Variants in TNS3 observed in about 807,000 individuals in gnomAD.
The protein encoded by TNS3 is tensin 3.
A neutral mutation model predicts 140.9 loss-of-function variants in TNS3; 45 were observed. The observed-to-expected ratio is 0.32, with a 90% CI of 0.25 to 0.41. TNS3 has a LOEUF of 0.41. Among genes scored for constraint, TNS3 ranks in the 10% least tolerant of loss-of-function variants. The probability of loss-of-function intolerance (pLI) is 1.00; values close to 1 mark genes in which losing one functional copy is unlikely to be tolerated. For missense variants in TNS3, 1,716 were observed against 1,906.7 expected (o/e 0.90, Z 1.86); for synonymous variants, 815 against 788.4 (o/e 1.03, Z -0.56).
intron 26 of TNS3, among the ~76,000 whole-genome samples, 181 bp from the exon 27 acceptor site, chr7:47,292,213 T>C (rs930313642): frequency 5.3e-5 from 8 of 152,188 alleles, no homozygotes; most frequent in Admixed American, 5.2e-4. Context: ...ACATTCTGAA[T>C]AAAAGTAGAG....
intron 17 of TNS3, among the ~76,000 whole-genome samples, chr7:47,349,176 C>T (rs560819574): frequency 9.9e-5 from 15 of 151,896 alleles, no homozygotes; most frequent in African/African-American, 1.4e-4. Context: ...AGAATTACAA[C>T]GAAAAACAAT....
intron 20 of TNS3, among the ~76,000 whole-genome samples, chr7:47,315,286 C>T (rs1211483267): frequency 2.6e-5 from 4 of 152,238 alleles, no homozygotes; most frequent in Non-Finnish European, 4.4e-5. Context: ...TCTGGTATTC[C>T]GCCTAAGCAG....
At chr7:47,286,888 T>A (rs2150576685) in intron 27 of TNS3, among the ~76,000 whole-genome samples, 1 of 152,216 alleles carries the variant, frequency 6.6e-6, no homozygotes, top group Admixed American at 6.5e-5. Context: ...AAAAGAATCG[T>A]ACAGGCAGCA....
chr7:47,547,977 T>C (rs963844155), intron 1 of TNS3, among the ~76,000 whole-genome samples: 1 of 152,242 alleles, frequency 6.6e-6, no homozygotes, highest in African/African-American at 2.4e-5. Flanking sequence ...CTCAGTTCAC[T>C]GCAACCTCTG....
At chr7:47,372,419 T>C (rs1172653619) in intron 16 of TNS3, among the ~76,000 whole-genome samples, 1 of 152,226 alleles carries the variant, frequency 6.6e-6, no homozygotes, top group Non-Finnish European at 1.5e-5. Flanking sequence ...ATTAAAATGC[T>C]GTCAAAAAGT....
intron 7 of TNS3, among the ~76,000 whole-genome samples, chr7:47,436,071 T>C (rs1795165982): frequency 6.6e-6 from 1 of 152,196 alleles, no homozygotes. Context: ...CAAGGAGCTC[T>C]ATCTTATGAT....
intron 27 of TNS3, among the ~76,000 whole-genome samples, chr7:47,290,242 A>C (rs1489557904): frequency 6.6e-6 from 1 of 152,226 alleles, no homozygotes; most frequent in Non-Finnish European, 1.5e-5. Flanking sequence ...TTAACTTAAA[A>C]CGGATCACAG....
chr7:47,365,678 C>T (rs946744099), intron 17 of TNS3, among the ~76,000 whole-genome samples: 1 of 151,448 alleles, frequency 6.6e-6, no homozygotes, highest in Non-Finnish European at 1.5e-5. Flanking sequence ...GAGAATGGTG[C>T]GAACCCGGGA....
chr7:47,439,556 C>T lies in TNS3; in HGVS notation c.81G>A (p.Glu27=), dbSNP rs1795358010. 1.2e-6 allele frequency: 2 copies of T among 1,613,960 alleles called. No individual in the cohort carries two copies. The highest frequency in any genetic ancestry group is 2.2e-5 in the South Asian group (2 of 91,052). The change falls in exon 6 of 31, where the codon GAG becomes GAA. Residue 27 remains glutamate (E), a synonymous_variant. Transcript: ENST00000311160. ...IAVSFPAGCS[E]ESYLHNLQEV... Reference sequence around the variant, plus strand: ...CCTGTAGGTTGTGCAGGTAGGACTCCTCAGAGCAGCCGGCAGGGAAGGACA... The same window carrying T: ...CCTGTAGGTTGTGCAGGTAGGACTCTTCAGAGCAGCCGGCAGGGAAGGACA...
At chr7:47,285,280 C>T (rs575050422) in intron 27 of TNS3, among the ~76,000 whole-genome samples, 1 of 152,280 alleles carries the variant, frequency 6.6e-6, no homozygotes, top group East Asian at 1.9e-4. Flanking sequence ...TTGATGATCA[C>T]TTGGTGATAT....
intron 20 of TNS3, among the ~76,000 whole-genome samples, chr7:47,310,598 G>T (rs1787032432): frequency 6.6e-6 from 1 of 152,114 alleles, no homozygotes; most frequent in Admixed American, 6.5e-5. Flanking sequence ...AACCAAGACT[G>T]CCACCACCCC....
At chr7:47,426,822 G>A (rs148884531) in intron 9 of TNS3, among the ~76,000 whole-genome samples, 378 of 152,252 alleles carry the variant, frequency 2.5e-3, no homozygotes, top group African/African-American at 8.7e-3. Flanking sequence ...CTACTTTGCT[G>A]GGGATAGAAA....
chr7:47,328,822 A>C (rs1788174970), intron 20 of TNS3, among the ~76,000 whole-genome samples: 1 of 152,146 alleles, frequency 6.6e-6, no homozygotes, highest in Admixed American at 6.5e-5. Flanking sequence ...AATGGGCTAT[A>C]ACATCCTGCC....
intron 1 of TNS3, among the ~76,000 whole-genome samples, chr7:47,531,710 C>T (rs914020299): frequency 3.3e-5 from 5 of 152,226 alleles, no homozygotes; most frequent in African/African-American, 9.6e-5. Context: ...GCTACCATCA[C>T]GCTGGCTGCA....
intron 3 of TNS3, among the ~76,000 whole-genome samples, chr7:47,499,210 T>C (rs1255580374): frequency 6.6e-6 from 1 of 152,224 alleles, no homozygotes; most frequent in Non-Finnish European, 1.5e-5. Context: ...TCCCAGACTC[T>C]GGGAGTCAGG....
intron 1 of TNS3, among the ~76,000 whole-genome samples, chr7:47,543,206 C>T (rs538654376): frequency 1.3e-5 from 2 of 152,330 alleles, no homozygotes; most frequent in South Asian, 2.1e-4. Context: ...GTGCTCCATC[C>T]GAAATCCAGA....
At chr7:47,443,814 G>A (rs771352570) in intron 4 of TNS3, among the ~76,000 whole-genome samples, 2 of 152,092 alleles carry the variant, frequency 1.3e-5, no homozygotes, top group Non-Finnish European at 2.9e-5. Flanking sequence ...CTAGCTACTC[G>A]GGAGGCTGAG....
chr7:47,301,634 A>G (rs1160977068), intron 23 of TNS3, among the ~76,000 whole-genome samples: 9 of 97,556 alleles, frequency 9.2e-5, no homozygotes, highest in Non-Finnish European at 1.7e-4. Flanking sequence ...TTCAAATTAG[A>G]AAAAAAAAAA....
chr7:47,328,924 T>C (rs370097113), intron 20 of TNS3, among the ~76,000 whole-genome samples: 45 of 152,334 alleles, frequency 3.0e-4, no homozygotes, highest in African/African-American at 9.9e-4. Flanking sequence ...CTACGCACTG[T>C]GTCCCCTTTC....
Sources: allele counts gnomAD v4.1 joint callset (sites outside exome capture counted in the v4.1 genomes callset), GRCh38; gene constraint gnomAD v4.1.1; transcripts MANE v1.5; gene names NCBI Gene and HGNC (gene_info 2026-07-23, HGNC 2026-07-21).